The following INCENP variants were observed in gnomAD, a reference collection of about 807,000 sequenced individuals.
The protein encoded by INCENP is binds and activates aurora-B and -C in vivo and in vitro.
A neutral mutation model predicts 107.3 loss-of-function variants in INCENP; 43 were observed. The observed-to-expected ratio is 0.40, with a 90% CI of 0.31 to 0.52. The LOEUF (loss-of-function observed/expected upper bound fraction) is 0.52, where lower values mean the gene tolerates loss of function less well. Ranked by LOEUF, INCENP falls within the 20% of genes least tolerant of loss-of-function variation. INCENP has a pLI of 0.53. For synonymous variants in INCENP, 488 were observed against 494.4 expected, an observed-to-expected ratio of 0.99 and a Z score of 0.17; for missense variants, 1,089 against 1,250.9, an observed-to-expected ratio of 0.87 and a Z score of 1.95.
At chr11:62,141,654 G>A in intron 11 of INCENP, 143 bp downstream of exon 11, 1 of 1,160,118 alleles carries the variant, frequency 8.6e-7, no homozygotes, top group Middle Eastern at 1.9e-4. Flanking sequence ...GTGGGACGGT[G>A]AGGGGTGCAC....
At chr11:62,144,758 C>T in intron 11 of INCENP, 1 of 757,432 alleles carries the variant, frequency 1.3e-6, no homozygotes, top group Non-Finnish European at 2.4e-6. Context: ...CACTGTGGCT[C>T]AGGCCCTTGC....
intron 11 of INCENP, chr11:62,144,686 A>G (rs1185770310): frequency 4.4e-6 from 3 of 685,052 alleles, no homozygotes; most frequent in Non-Finnish European, 8.2e-6. Context: ...TCATTAGCAC[A>G]TAAATCCTAT....
chr11:62,139,032 A>G (rs1223895381), intron 7 of INCENP, 27 bp downstream of exon 7: 2 of 1,531,040 alleles, frequency 1.3e-6, no homozygotes, highest in East Asian at 2.2e-5. Flanking sequence ...TGCCGTGTGC[A>G]GTGCCCGGAG....
At position 62,151,761 on chromosome 11, in the gene INCENP, G is replaced by C; in HGVS notation, c.2543-1G>C. ...AGTGTCTGGTCTGTGGTCTCCTGCA[G>C]GCACCCCGCTCAGCCAGGCTATCAT... is the stretch of plus-strand genomic sequence containing the variant. On this transcript the variant is annotated splice_acceptor_variant, in intron 18 of 18. Coordinates refer to ENST00000394818, the MANE Select transcript of INCENP (RefSeq NM_001040694.2). LOFTEE classifies it high-confidence loss of function. 6.2e-7 allele frequency: 1 copy of C among 1,613,850 alleles called. No individual in the cohort carries two copies. The highest frequency in any genetic ancestry group is 8.5e-7 in the Non-Finnish European group (1 of 1,179,930).
Position 62,130,228 on chromosome 11 carries a change from G to A in INCENP, c.701G>A (p.Ser234Asn). 1 of 1,613,782 alleles carries A rather than the reference G, an allele frequency of 6.2e-7. No homozygotes were observed. The highest frequency in any genetic ancestry group is 8.5e-7 in the Non-Finnish European group (1 of 1,179,978). The change falls in exon 4 of 19, where the codon AGC becomes AAC. Residue 234 changes from serine (S) to asparagine (N), a missense_variant. Coordinates refer to ENST00000394818, the MANE Select transcript of INCENP (RefSeq NM_001040694.2). ...KARILESITV[S>N]SLMATPQDPK... ...AGGATACTGGAGTCCATCACAGTGAGCTCCCTGATGGCTACACCCCAGGAC... is the reference window on the plus strand; with the variant it reads ...AGGATACTGGAGTCCATCACAGTGAACTCCCTGATGGCTACACCCCAGGAC...
At chr11:62,144,943 T>C in intron 11 of INCENP, 39 bp from the exon 12 acceptor site, 1 of 1,559,738 alleles carries the variant, frequency 6.4e-7, no homozygotes. Context: ...GGGGTCGTCC[T>C]TGCTCATGTC....
intron 4 of INCENP, among the ~76,000 whole-genome samples, chr11:62,137,060 T>A (rs1590614630): frequency 6.6e-6 from 1 of 151,966 alleles, no homozygotes; most frequent in Non-Finnish European, 1.5e-5. Context: ...GCTTTTAAAA[T>A]TCTCTGCTCT....
chr11:62,138,744 G>C lies in INCENP; in HGVS notation c.1147G>C (p.Glu383Gln). 1 of 1,614,144 alleles carries C rather than the reference G, an allele frequency of 6.2e-7. No homozygotes were observed. The highest frequency in any genetic ancestry group is 8.5e-7 in the Non-Finnish European group (1 of 1,180,018). ...GCAGAAGGAACCCCCCGAGGAGGCTGAGCCTGTGGCGGCAGCTGAGCCAGA... is the reference window on the plus strand; with the variant it reads ...GCAGAAGGAACCCCCCGAGGAGGCTCAGCCTGTGGCGGCAGCTGAGCCAGA... ...SEQKEPPEEA[E>Q]PVAAAEPEVP... Residue 383 changes from glutamate to glutamine, a missense_variant, in exon 6 of 19, where the codon GAG becomes CAG. Glu to Gln is a conservative substitution (Grantham distance 29). Transcript: ENST00000394818.
chr11:62,146,769 G>A lies in INCENP; in HGVS notation c.2071G>A (p.Glu691Lys). ...GCGGCTGGCAGAGCAGCGGGAGCAG[G>A]AGCGGCGGGAGCAGGAGCGGCGCGA... ...AKRLAEQREQ[E>K]RREQERREQE... is the part of the protein sequence containing the mutation. The change falls in exon 15 of 19, where the codon GAG becomes AAG. Residue 691 changes from glutamate (E) to lysine (K), a missense_variant. By Grantham distance (56) the Glu-to-Lys change is moderately conservative. Transcript: ENST00000394818. 6.5e-7 allele frequency: 1 copy of A among 1,539,960 alleles called. No homozygotes were observed. Among genetic ancestry groups the A allele is most frequent in the Non-Finnish European group, 8.8e-7 (1 of 1,140,994 alleles).
intron 4 of INCENP, among the ~76,000 whole-genome samples, chr11:62,132,896 C>T (rs988254556): frequency 1.3e-5 from 2 of 152,198 alleles, no homozygotes; most frequent in African/African-American, 4.8e-5. Context: ...TTCTCTCAAC[C>T]TCAGCTTTTC....
In INCENP at chr11:62,141,915, A is replaced by T. The variant is rs185311671; in HGVS notation, c.1605+404A>T. On this transcript the variant is annotated intron_variant, in intron 11 of 18. Transcript: ENST00000394818. ...TGAGATTTATTGGTTCACAGACCTG[A>T]GCAGTAGCCTTGAGGCAGTGGGGTG... 1.6e-4 allele frequency among the ~76,000 whole-genome samples: 25 copies of T among 152,302 alleles called. No individual in the cohort carries two copies. The East Asian group carries it at 4.6e-3, about 28-fold the overall frequency.
chr11:62,145,871 A>G (rs1944232211), intron 14 of INCENP, 120 bp downstream of exon 14: 1 of 1,287,172 alleles, frequency 7.8e-7, no homozygotes, highest in Non-Finnish European at 1.0e-6. Context: ...TTGTTGCTTC[A>G]TGCTAAGAAG....
intron 4 of INCENP, 95 bp from the exon 5 acceptor site, chr11:62,137,737 C>T: frequency 9.3e-7 from 1 of 1,076,134 alleles, no homozygotes; most frequent in Non-Finnish European, 1.4e-6. Flanking sequence ...GGAGCAGTGG[C>T]CAGGCCCTTG....
Position 62,137,630 on chromosome 11 carries a change from C to T in INCENP, c.1064-202C>T, listed in dbSNP as rs532279725. 9.2e-5 allele frequency among the ~76,000 whole-genome samples: 14 copies of T among 152,292 alleles called. No individual in the cohort carries two copies. In the East Asian group the frequency reaches 2.3e-3, roughly 25 times the overall value. On this transcript the variant is annotated intron_variant, in intron 4 of 18. Coordinates refer to ENST00000394818, the MANE Select transcript of INCENP (RefSeq NM_001040694.2). ...GGGCATGGGAAGACCATCTGGGAAGCAGCCGGGGACATGAAGCCAGCAGCT... is the reference window on the plus strand; with the variant it reads ...GGGCATGGGAAGACCATCTGGGAAGTAGCCGGGGACATGAAGCCAGCAGCT...
intron 3 of INCENP, among the ~76,000 whole-genome samples, chr11:62,129,560 C>T (rs1393111038): frequency 6.6e-6 from 1 of 152,162 alleles, no homozygotes; most frequent in African/African-American, 2.4e-5. Flanking sequence ...CAGTTCTGTG[C>T]GGACTGTGGC....
At chr11:62,141,624 A>C in intron 11 of INCENP, 113 bp downstream of exon 11, 1 of 1,394,524 alleles carries the variant, frequency 7.2e-7, no homozygotes, top group Non-Finnish European at 1.0e-6. Flanking sequence ...TGTAAGCGGG[A>C]GGGGAGCCTT....
intron 7 of INCENP, 136 bp downstream of exon 7, chr11:62,139,141 G>T: frequency 1.5e-6 from 1 of 657,262 alleles, no homozygotes. Context: ...AAACCTGGGG[G>T]TGCAGAGATC....
At chr11:62,136,915 T>G (rs1342128209) in intron 4 of INCENP, among the ~76,000 whole-genome samples, 1 of 152,190 alleles carries the variant, frequency 6.6e-6, no homozygotes, top group Non-Finnish European at 1.5e-5. Flanking sequence ...GTATCATGAT[T>G]AGTTACGACC....
chr11:62,138,570 A>G (rs560048632), intron 5 of INCENP, 143 bp from the exon 6 acceptor site: 4 of 656,842 alleles, frequency 6.1e-6, no homozygotes, highest in South Asian at 5.6e-5. Context: ...CCTATCCTAC[A>G]GGGGGCTGTG....
Sources: allele counts gnomAD v4.1 joint callset (sites outside exome capture counted in the v4.1 genomes callset), GRCh38; gene constraint gnomAD v4.1.1; transcripts MANE v1.5; gene names NCBI Gene and HGNC (gene_info 2026-07-23, HGNC 2026-07-21).